SH3RF1: variants seen among roughly 807,000 people sequenced by gnomAD.
SH3RF1 encodes the protein E3 ubiquitin-protein ligase SH3RF1.
Under a neutral mutation model 74.0 loss-of-function variants are expected in SH3RF1, and 32 were observed. The ratio of observed to expected loss-of-function variants is 0.43; its 90% CI spans 0.33 to 0.58. SH3RF1 has a LOEUF of 0.58. SH3RF1 is among the 20% of genes least tolerant of loss of function. The pLI is 0.05. For missense variants in SH3RF1, 954 were observed against 1,130.9 expected, an observed-to-expected ratio of 0.84 and a Z score of 2.24; for synonymous variants, 396 against 439.6, an observed-to-expected ratio of 0.90 and a Z score of 1.24.
intron 2 of SH3RF1, among the ~76,000 whole-genome samples, chr4:169,203,545 T>C (rs1362278522): frequency 7.4e-5 from 11 of 149,396 alleles, no homozygotes; most frequent in Admixed American, 6.1e-4. Context: ...AGCCAGACCC[T>C]GTCTCAAGAA....
chr4:169,206,901 G>T (rs1467231207), intron 2 of SH3RF1, among the ~76,000 whole-genome samples: 1 of 152,146 alleles, frequency 6.6e-6, no homozygotes, highest in Non-Finnish European at 1.5e-5. Flanking sequence ...TTGGGAGGCA[G>T]AACTGGGATC....
At chr4:169,128,005 C>T (rs2126949861) in intron 6 of SH3RF1, among the ~76,000 whole-genome samples, 1 of 152,276 alleles carries the variant, frequency 6.6e-6, no homozygotes, top group South Asian at 2.1e-4. Flanking sequence ...TTCCTTTGAG[C>T]TTCATGTTTG....
intron 2 of SH3RF1, among the ~76,000 whole-genome samples, chr4:169,226,191 G>A (rs1263576883): frequency 6.6e-6 from 1 of 152,136 alleles, no homozygotes; most frequent in African/African-American, 2.4e-5. Context: ...AGGTGGATAA[G>A]TACCTTTGGT....
intron 4 of SH3RF1, among the ~76,000 whole-genome samples, chr4:169,147,499 G>A (rs772228651): frequency 6.6e-6 from 1 of 152,080 alleles, no homozygotes; most frequent in Non-Finnish European, 1.5e-5. Flanking sequence ...AATGGTGATC[G>A]CCAAGAAAGA....
chr4:169,114,751 T>C (rs991372098), intron 10 of SH3RF1, among the ~76,000 whole-genome samples: 6 of 152,196 alleles, frequency 3.9e-5, no homozygotes, highest in Non-Finnish European at 7.3e-5. Context: ...TGAACAAATA[T>C]CAATCTTTTT....
At chr4:169,207,480 C>T (rs1040294408) in intron 2 of SH3RF1, among the ~76,000 whole-genome samples, 1 of 152,116 alleles carries the variant, frequency 6.6e-6, no homozygotes, top group African/African-American at 2.4e-5. Context: ...GATATTATAC[C>T]ATTTGCTAAA....
At chr4:169,235,099 T>C (rs922679747) in intron 2 of SH3RF1, among the ~76,000 whole-genome samples, 6 of 152,210 alleles carry the variant, frequency 3.9e-5, no homozygotes, top group Admixed American at 2.6e-4. Context: ...GGTACAAATA[T>C]ATTGAATAAC....
intron 2 of SH3RF1, among the ~76,000 whole-genome samples, chr4:169,192,820 A>T (rs1030236248): frequency 1.4e-5 from 2 of 148,130 alleles, no homozygotes; most frequent in African/African-American, 4.9e-5. Context: ...TATATATGTG[A>T]TATATATATC....
In SH3RF1 at chr4:169,263,177, T is replaced by C. The variant is rs28393305; in HGVS notation, c.393+5643A>G. Among the ~76,000 whole-genome samples, 1,180 of 152,256 alleles carry C rather than the reference T, an allele frequency of 7.8e-3. 21 individuals are homozygous for C. Among genetic ancestry groups the C allele is most frequent in the African/African-American group, 0.026 (1,091 of 41,526 alleles). ...TGTCCGTCAGTGTTTGTAGTGAACC[T>C]TACACGCCAGGGGAGCATGTCCCAA... On this transcript the variant is annotated intron_variant, in intron 2 of 11. Transcript: ENST00000284637.
At chr4:169,203,476 G>C (rs1734943790) in intron 2 of SH3RF1, among the ~76,000 whole-genome samples, 1 of 151,898 alleles carries the variant, frequency 6.6e-6, no homozygotes, top group Non-Finnish European at 1.5e-5. Context: ...GTTTGAGCCT[G>C]GGAGGCAGAG....
At chr4:169,227,276 T>G (rs1730666388) in intron 2 of SH3RF1, among the ~76,000 whole-genome samples, 1 of 152,124 alleles carries the variant, frequency 6.6e-6, no homozygotes, top group Non-Finnish European at 1.5e-5. Context: ...CAATAACCTA[T>G]TTCCAAAAAA....
At chr4:169,125,981 T>C (rs918994644) in intron 6 of SH3RF1, among the ~76,000 whole-genome samples, 1 of 152,246 alleles carries the variant, frequency 6.6e-6, no homozygotes, top group African/African-American at 2.4e-5. Context: ...TGTATATCAG[T>C]TAAGTGACTC....
chr4:169,101,635 G>C (rs771574312), intron 11 of SH3RF1, among the ~76,000 whole-genome samples: 1 of 110,398 alleles, frequency 9.1e-6, no homozygotes, highest in Non-Finnish European at 1.9e-5. Context: ...TAAAAAATAA[G>C]ATATATGAAT....
At chr4:169,110,803 T>C (rs17051927) in intron 10 of SH3RF1, among the ~76,000 whole-genome samples, 1,803 of 152,208 alleles carry the variant, frequency 0.012, 43 homozygotes, top group African/African-American at 0.041. Flanking sequence ...AGAGTGCATG[T>C]TGACCAACAC....
chr4:169,211,481 CAA>C (rs760721489), intron 2 of SH3RF1, among the ~76,000 whole-genome samples: 4 of 90,964 alleles, frequency 4.4e-5, no homozygotes, highest in Non-Finnish European at 6.2e-5. Flanking sequence ...GACTCCGTCT[CAA>C]AAAAAAAAAA....
intron 2 of SH3RF1, among the ~76,000 whole-genome samples, chr4:169,174,072 T>C (rs1223242635): frequency 2.0e-5 from 3 of 151,822 alleles, no homozygotes; most frequent in Admixed American, 6.6e-5. Flanking sequence ...TAAAAACCAA[T>C]GCTTTTCTTG....
intron 5 of SH3RF1, among the ~76,000 whole-genome samples, chr4:169,134,958 C>T (rs1306301003): frequency 1.3e-5 from 2 of 152,142 alleles, no homozygotes; most frequent in Non-Finnish European, 2.9e-5. Flanking sequence ...CCTAAAAATG[C>T]CACAAAACAA....
At chr4:169,243,929 A>T (rs1730953439) in intron 2 of SH3RF1, among the ~76,000 whole-genome samples, 1 of 152,230 alleles carries the variant, frequency 6.6e-6, no homozygotes, top group African/African-American at 2.4e-5. Context: ...CTTTTACTTA[A>T]ATAACTGCAA....
chr4:169,184,268 C>T (rs950169173), intron 2 of SH3RF1, among the ~76,000 whole-genome samples: 1 of 152,180 alleles, frequency 6.6e-6, no homozygotes, highest in African/African-American at 2.4e-5. Context: ...GGCCAATGTG[C>T]TTTTTCACCT....
Sources: allele counts gnomAD v4.1 joint callset (sites outside exome capture counted in the v4.1 genomes callset), GRCh38; gene constraint gnomAD v4.1.1; transcripts MANE v1.5; gene names NCBI Gene and HGNC (gene_info 2026-07-23, HGNC 2026-07-21).